Variants in KCTD10 observed in about 807,000 individuals in gnomAD.
KCTD10 encodes potassium channel tetramerization domain containing 10, also known as BTB/POZ domain-containing adapter for CUL3-mediated RhoA degradation protein 3.
A neutral mutation model predicts 34.6 loss-of-function variants in KCTD10; 13 were observed. That is an observed-to-expected ratio of 0.38 (90% CI 0.24 to 0.60). KCTD10 has a LOEUF of 0.60. Among genes scored for constraint, KCTD10 ranks in the 20% least tolerant of loss-of-function variants. The pLI is 0.66. For missense variants in KCTD10, 256 were observed against 420.3 expected (o/e 0.61, Z 3.42); for synonymous variants, 156 against 168.8 (o/e 0.92, Z 0.59).
chr12:109,470,949 G>C (rs1873854565), intron 1 of KCTD10: 1 of 221,282 alleles, frequency 4.5e-6, no homozygotes, highest in Non-Finnish European at 7.6e-6. Flanking sequence ...CCACTTCTCT[G>C]AACTGTCTCT....
In KCTD10 at chr12:109,451,685, G is replaced by T. The variant is rs750166397; in HGVS notation, c.852C>A (p.His284Gln). 1.9e-6 allele frequency: 3 copies of T among 1,613,836 alleles called. 1 individual carries two copies. The South Asian group carries it at 3.3e-5, about 18-fold the overall frequency. The stretch of plus-strand genomic sequence containing the variant: ...GCTCCCGCTCCTCGTCCTCGTCCAG[G>T]TGGTGGGAGCGCCCCGCCGCCCCGC... ...ATGGAAGRSH[H>Q]LDEDEERERI... is the part of the protein sequence containing the mutation. The change falls in exon 7 of 7, where the codon CAC becomes CAA. Residue 284 changes from histidine (H) to glutamine (Q), a missense_variant. Coordinates refer to ENST00000228495, the MANE Select transcript of KCTD10 (RefSeq NM_031954.5). This position sits in a 1 kb window ranked among gnomAD's most constrained non-coding sequence, Gnocchi z 5.0.
chr12:109,470,731 G>C (rs567596960), intron 1 of KCTD10: 1 of 313,548 alleles, frequency 3.2e-6, no homozygotes, highest in Non-Finnish European at 4.6e-6. Context: ...CAGTCATCAT[G>C]TCCGGACACA....
intron 4 of KCTD10, 102 bp downstream of exon 4, chr12:109,457,890 T>C: frequency 9.0e-7 from 1 of 1,113,006 alleles, no homozygotes; most frequent in Non-Finnish European, 1.4e-6. Context: ...TTATCAGGCC[T>C]CACTCAGGCA....
Position 109,469,444 on chromosome 12 carries a change from A to C in KCTD10, c.217+71T>G, listed in dbSNP as rs1873764108. On this transcript the variant is annotated intron_variant, in intron 2 of 6. Transcript: ENST00000228495. ...ATCTTCAGGTCTCGACTTAAATGTC[A>C]CTTCTTCAGGGAAGCCCTCCTTGAC... The C allele has an allele frequency of 1.9e-6, 3 of 1,554,030 alleles. No individual in the cohort carries two copies. In the African/African-American group the frequency reaches 4.1e-5, roughly 21 times the overall value.
chr12:109,457,432 T>A (rs1288464469), intron 5 of KCTD10, 198 bp downstream of exon 5: 1 of 580,506 alleles, frequency 1.7e-6, no homozygotes, highest in African/African-American at 1.9e-5. Flanking sequence ...CTGTACACTC[T>A]AGAAAGATGA....
At chr12:109,472,425 G>C (rs1034687967) in intron 1 of KCTD10, among the ~76,000 whole-genome samples, 2 of 151,668 alleles carry the variant, frequency 1.3e-5, no homozygotes, top group Non-Finnish European at 2.9e-5. Context: ...ACAGTAACAC[G>C]CATGGAACTG....
At chr12:109,462,392 G>A (rs999518701) in intron 2 of KCTD10, among the ~76,000 whole-genome samples, 4 of 152,230 alleles carry the variant, frequency 2.6e-5, no homozygotes, top group Non-Finnish European at 5.9e-5. Flanking sequence ...CCCCAAGTGG[G>A]GGGAAATGCA....
chr12:109,466,278 C>T (rs1420064198), intron 2 of KCTD10, among the ~76,000 whole-genome samples: 4 of 152,192 alleles, frequency 2.6e-5, no homozygotes, highest in South Asian at 2.1e-4. Context: ...CCAACATTTA[C>T]ACTCAGAACA....
intron 6 of KCTD10, among the ~76,000 whole-genome samples, chr12:109,455,194 A>G (rs533452700): frequency 2.6e-5 from 4 of 152,326 alleles, no homozygotes; most frequent in Middle Eastern, 3.4e-3. Context: ...CTTAAGAACA[A>G]TATCTATTCT....
intron 5 of KCTD10, 43 bp from the exon 6 acceptor site, chr12:109,456,356 A>G (rs1873018310): frequency 1.3e-6 from 2 of 1,587,786 alleles, no homozygotes; most frequent in Non-Finnish European, 1.7e-6. Flanking sequence ...GCTGGTAAAA[A>G]CTGCCATCAT....
At chr12:109,473,072 A>G (rs1312457028) in intron 1 of KCTD10, among the ~76,000 whole-genome samples, 1 of 152,178 alleles carries the variant, frequency 6.6e-6, no homozygotes, top group Non-Finnish European at 1.5e-5. Flanking sequence ...AGCTATAGTT[A>G]TTTCCATTTT....
At chr12:109,458,391 A>C in intron 3 of KCTD10, 1 of 258,906 alleles carries the variant, frequency 3.9e-6, no homozygotes, top group Non-Finnish European at 7.4e-6. Context: ...TTTTAATCAA[A>C]AGCTCCTAAA....
chr12:109,452,373 T>G (rs955240098), intron 6 of KCTD10, among the ~76,000 whole-genome samples: 5 of 152,246 alleles, frequency 3.3e-5, no homozygotes, highest in Admixed American at 6.5e-5. Context: ...AGGGTCCAGC[T>G]GGGGACTCCC....
intron 2 of KCTD10, among the ~76,000 whole-genome samples, chr12:109,461,584 A>T (rs1410197769): frequency 6.6e-6 from 1 of 152,214 alleles, no homozygotes; most frequent in African/African-American, 2.4e-5. Context: ...CTGAGCTGAC[A>T]TTCCTCCACC....
intron 2 of KCTD10, among the ~76,000 whole-genome samples, chr12:109,465,940 T>C (rs1873563902): frequency 6.6e-6 from 1 of 152,176 alleles, no homozygotes; most frequent in Admixed American, 6.5e-5. Flanking sequence ...GGGGAAGTAT[T>C]GTACGAAGCA....
intron 6 of KCTD10, among the ~76,000 whole-genome samples, chr12:109,452,084 A>C (rs1872802631): frequency 6.6e-6 from 1 of 152,210 alleles, no homozygotes; most frequent in Non-Finnish European, 1.5e-5. Flanking sequence ...ACCCTCTCAA[A>C]GATTCTGTGC....
intron 2 of KCTD10, among the ~76,000 whole-genome samples, chr12:109,468,787 G>A (rs1302456863): frequency 4.6e-5 from 7 of 151,780 alleles, no homozygotes; most frequent in South Asian, 4.2e-4. Context: ...CGAGTAGCTG[G>A]GACTACAGGC....
chr12:109,457,574 G>C, intron 5 of KCTD10, 56 bp downstream of exon 5: 1 of 1,493,294 alleles, frequency 6.7e-7, no homozygotes, highest in East Asian at 2.3e-5. Flanking sequence ...GGCCTGGCTG[G>C]TGTGAGTGGA....
chr12:109,457,578 G>A (rs1385938471), intron 5 of KCTD10, 52 bp downstream of exon 5: 3 of 1,521,318 alleles, frequency 2.0e-6, no homozygotes, highest in Non-Finnish European at 2.7e-6. Context: ...TGGCTGGTGT[G>A]AGTGGAGGTT....
Sources: allele counts gnomAD v4.1 joint callset (sites outside exome capture counted in the v4.1 genomes callset), GRCh38; gene constraint gnomAD v4.1.1; non-coding constraint Gnocchi (gnomAD v3.1); transcripts MANE v1.5; gene names NCBI Gene and HGNC (gene_info 2026-07-23, HGNC 2026-07-21).